Variants in GLDC observed in about 807,000 individuals in gnomAD.
GLDC encodes the protein glycine decarboxylase.
A neutral mutation model predicts 121.3 loss-of-function variants in GLDC; 104 were observed. The observed-to-expected ratio is 0.86, with a 90% CI of 0.73 to 1.01. The LOEUF is 1.01. GLDC is among the 50% of genes least tolerant of loss of function. The pLI is 0.00. For missense variants in GLDC, 1,429 were observed against 1,306.6 expected (o/e 1.09, Z -1.44); for synonymous variants, 546 against 480.6 (o/e 1.14, Z -1.78).
chr9:6,595,954 T>A (rs2129864497), intron 8 of GLDC, among the ~76,000 whole-genome samples: 1 of 152,160 alleles, frequency 6.6e-6, no homozygotes, highest in Middle Eastern at 3.4e-3. Context: ...AAAGGTGAAG[T>A]CAGCAAACAA....
chr9:6,625,178 G>A (rs1006706072), intron 2 of GLDC, among the ~76,000 whole-genome samples: 1 of 152,098 alleles, frequency 6.6e-6, no homozygotes, highest in Non-Finnish European at 1.5e-5. Context: ...CTGTGCAGAG[G>A]GGTGCAGCAG....
At chr9:6,612,047 T>C (rs1046935931) in intron 3 of GLDC, among the ~76,000 whole-genome samples, 1 of 152,068 alleles carries the variant, frequency 6.6e-6, no homozygotes, top group Admixed American at 6.6e-5. Flanking sequence ...CAGATTTCCC[T>C]TTCTATTTGC....
intron 21 of GLDC, 130 bp from the exon 22 acceptor site, chr9:6,540,276 G>A: frequency 1.4e-6 from 1 of 714,332 alleles, no homozygotes. Flanking sequence ...AGAAGCCATG[G>A]GCACCGGGTA....
At chr9:6,577,563 C>A (rs562857010) in intron 15 of GLDC, among the ~76,000 whole-genome samples, 1 of 152,328 alleles carries the variant, frequency 6.6e-6, no homozygotes, top group Non-Finnish European at 1.5e-5. Flanking sequence ...GACTAAATAA[C>A]ATATGATCAA....
chr9:6,579,972 T>C (rs1587940961), intron 15 of GLDC, among the ~76,000 whole-genome samples: 1 of 152,224 alleles, frequency 6.6e-6, no homozygotes, highest in East Asian at 1.9e-4. Context: ...GTCAGTCCTC[T>C]GTTGGGGGCA....
intron 2 of GLDC, among the ~76,000 whole-genome samples, chr9:6,642,463 A>T: frequency 6.6e-6 from 1 of 152,202 alleles, no homozygotes. Flanking sequence ...CCGGGGAGGC[A>T]GAGGTTGTAG....
intron 18 of GLDC, among the ~76,000 whole-genome samples, chr9:6,555,142 T>A (rs1380346180): frequency 6.6e-6 from 1 of 152,366 alleles, no homozygotes; most frequent in Non-Finnish European, 1.5e-5. Context: ...AATAGGCAAC[T>A]CTTCCCTGAG....
Position 6,589,319 on chromosome 9 carries a change from G to A in GLDC, c.1483-27C>T, listed in dbSNP as rs184908720. The A allele has an allele frequency of 4.5e-4, 622 of 1,396,680 alleles. 8 individuals carry two copies. The Admixed American group carries it at 9.5e-3, about 21-fold the overall frequency. 86.5% of individuals were successfully genotyped at this position (1,396,680 alleles called of 1,614,324 possible). ...TGAAGGAGAAACACAGAGATGATAG[G>A]GCCAGAACTGTGCCTGGAGCCACAT... On this transcript the variant is annotated intron_variant, in intron 11 of 24. Coordinates refer to ENST00000321612, the MANE Select transcript of GLDC (RefSeq NM_000170.3).
chr9:6,589,790 C>A (rs1271778605), intron 11 of GLDC, among the ~76,000 whole-genome samples: 2 of 152,162 alleles, frequency 1.3e-5, no homozygotes, highest in African/African-American at 4.8e-5. Flanking sequence ...GGCGCGGTGG[C>A]TCACACCTGT....
chr9:6,606,457 A>C (rs1432044333), intron 5 of GLDC, 135 bp downstream of exon 5: 3 of 721,262 alleles, frequency 4.2e-6, no homozygotes, highest in Non-Finnish European at 7.6e-6. Flanking sequence ...GGCAAAACTC[A>C]GCAACCCCAA....
intron 15 of GLDC, among the ~76,000 whole-genome samples, chr9:6,585,885 T>C (rs1211042014): frequency 2.6e-5 from 3 of 115,394 alleles, no homozygotes; most frequent in African/African-American, 9.3e-5. Flanking sequence ...TCTATCTATC[T>C]ATCTATCATC....
chr9:6,621,918 A>G (rs1819104195), intron 2 of GLDC, among the ~76,000 whole-genome samples: 1 of 152,114 alleles, frequency 6.6e-6, no homozygotes. Context: ...GGATTTAACT[A>G]CTTAGGCAAA....
intron 14 of GLDC, 38 bp from the exon 15 acceptor site, chr9:6,587,321 T>C: frequency 6.9e-7 from 1 of 1,440,878 alleles, no homozygotes; most frequent in Non-Finnish European, 9.8e-7. Context: ...ATATACATAT[T>C]ATAATAGCAA....
At chr9:6,589,756 T>C (rs1282856062) in intron 11 of GLDC, among the ~76,000 whole-genome samples, 1 of 151,554 alleles carries the variant, frequency 6.6e-6, no homozygotes, top group Non-Finnish European at 1.5e-5. Flanking sequence ...CTAAAACTAC[T>C]AAAACTTAGA....
chr9:6,536,369 G>T, intron 22 of GLDC, 133 bp from the exon 23 acceptor site: 1 of 815,792 alleles, frequency 1.2e-6, no homozygotes, highest in Non-Finnish European at 2.1e-6. Context: ...TATGTATGTG[G>T]GGACTCATCT....
chr9:6,575,497 G>A (rs986872942), intron 15 of GLDC, among the ~76,000 whole-genome samples: 10 of 152,306 alleles, frequency 6.6e-5, no homozygotes, highest in East Asian at 1.9e-4. Context: ...TGTAGGGTGA[G>A]GCTCAGTAAT....
chr9:6,590,022 G>A (rs1375615636), intron 11 of GLDC, among the ~76,000 whole-genome samples: 3 of 151,550 alleles, frequency 2.0e-5, no homozygotes, highest in South Asian at 2.1e-4. Context: ...GCCACTGCAC[G>A]CCACCCTGGG....
chr9:6,644,592 G>A, intron 2 of GLDC, 22 bp downstream of exon 2: 1 of 1,541,720 alleles, frequency 6.5e-7, no homozygotes. Context: ...CTAAGTCCAA[G>A]GGAGCCCTCC....
chr9:6,587,353 T>C, intron 14 of GLDC, 70 bp from the exon 15 acceptor site: 4 of 1,170,130 alleles, frequency 3.4e-6, no homozygotes, highest in Non-Finnish European at 3.8e-6. Context: ...ACTTTAATAA[T>C]AATGACGATG....
Sources: allele counts gnomAD v4.1 joint callset (sites outside exome capture counted in the v4.1 genomes callset), GRCh38; gene constraint gnomAD v4.1.1; transcripts MANE v1.5; gene names NCBI Gene and HGNC (gene_info 2026-07-23, HGNC 2026-07-21).